The following BICC1 variants were observed in gnomAD, a reference collection of about 807,000 sequenced individuals.
BICC1 encodes the protein BicC family RNA binding protein 1, also known as protein bicaudal C homolog 1.
A neutral mutation model predicts 111.0 loss-of-function variants in BICC1; 43 were observed. The observed-to-expected ratio is 0.39, with a 90% CI of 0.30 to 0.50. The LOEUF is 0.50. Among genes scored for constraint, BICC1 ranks in the 20% least tolerant of loss-of-function variants. The pLI is 0.88. For synonymous variants in BICC1, 467 were observed against 434.4 expected, an observed-to-expected ratio of 1.07 and a Z score of -0.93; for missense variants, 1,091 against 1,203.2, an observed-to-expected ratio of 0.91 and a Z score of 1.38.
Position 58,781,996 on chromosome 10 carries a change from G to A in BICC1, c.308-3005G>A, listed in dbSNP as rs547796433. ...ACTGATTCAGACCCTGGAGGTAAAC[G>A]TGTTACATGTTGGTGACTGTCTCTG... On this transcript the variant is annotated intron_variant, in intron 3 of 20. Transcript: ENST00000373886. Among the ~76,000 whole-genome samples, 18 of 152,242 alleles carry A rather than the reference G, an allele frequency of 1.2e-4. No individual in the cohort carries two copies. The South Asian group carries it at 3.3e-3, about 28-fold the overall frequency.
rs774168206 is a variant in BICC1 at position 58,604,223 on chromosome 10, A to G, written c.191-16632A>G. Among the ~76,000 whole-genome samples, 7 of 152,172 alleles carry G rather than the reference A, an allele frequency of 4.6e-5. No homozygotes were observed. In the East Asian group the frequency reaches 1.3e-3, roughly 29 times the overall value. The stretch of plus-strand genomic sequence containing the variant: ...CAGTCCCACTGGGGAGAGGTGGGGC[A>G]GTAGAACTCCTGAGACTTGCTACTG... On this transcript the variant is annotated intron_variant, in intron 1 of 20. Transcript: ENST00000373886.
In BICC1 at chr10:58,782,417, A is replaced by G. The variant is rs539983140; in HGVS notation, c.308-2584A>G. 1.1e-3 allele frequency among the ~76,000 whole-genome samples: 166 copies of G among 152,324 alleles called. 1 individual carries two copies. The highest frequency in any genetic ancestry group is 3.8e-3 in the African/African-American group (156 of 41,578). On this transcript the variant is annotated intron_variant, in intron 3 of 20. Transcript: ENST00000373886. ...CAATACATAAATGACTACAATTGAA[A>G]TATCTATGTGGTTCAATCTGCTGTT... is the stretch of plus-strand genomic sequence containing the variant.
rs145050069 is a variant in BICC1, at chr10:58,721,916, A to G, written c.307+19773A>G. On this transcript the variant is annotated intron_variant, in intron 3 of 20. Coordinates refer to ENST00000373886, the MANE Select transcript of BICC1 (RefSeq NM_001080512.3). ...CATATGATTGTTTCTGTCAGCTTGT[A>G]CTCTCCTGAAAGTCATGGTTAATGA... Among the ~76,000 whole-genome samples, 20 of 152,218 alleles carry G rather than the reference A, an allele frequency of 1.3e-4. No individual in the cohort carries two copies. The East Asian group carries it at 3.5e-3, about 26-fold the overall frequency.
chr10:58,768,825 C>G (rs1308961927), intron 3 of BICC1, among the ~76,000 whole-genome samples: 2 of 152,066 alleles, frequency 1.3e-5, no homozygotes, highest in African/African-American at 4.8e-5. Context: ...AAGAATCAAA[C>G]CATACCACTA....
intron 3 of BICC1, among the ~76,000 whole-genome samples, chr10:58,712,285 GT>G (rs1840600319): frequency 6.6e-6 from 1 of 152,158 alleles, no homozygotes; most frequent in African/African-American, 2.4e-5. Flanking sequence ...TTGGAAGATG[GT>G]TTTGCAGTTT....
chr10:58,676,656 A>T lies in BICC1; in HGVS notation c.238-25418A>T, dbSNP rs1839351504. ...TAAATGTTCCTGCCTGCTGGCTCTG[A>T]AGAGAGCAGCGGATCTCCCAGCACA... is the stretch of plus-strand genomic sequence containing the variant. On this transcript the variant is annotated intron_variant, in intron 2 of 20. Coordinates refer to ENST00000373886, the MANE Select transcript of BICC1 (RefSeq NM_001080512.3). Among the ~76,000 whole-genome samples, 4 of 152,292 alleles carry T rather than the reference A, an allele frequency of 2.6e-5. No homozygotes were observed. In the South Asian group the frequency reaches 8.3e-4, roughly 32 times the overall value.
intron 3 of BICC1, among the ~76,000 whole-genome samples, chr10:58,742,315 C>T (rs199581281): frequency 2.6e-5 from 4 of 151,588 alleles, no homozygotes; most frequent in Non-Finnish European, 4.4e-5. Context: ...CTAGCTCTTA[C>T]GGCATATTTT....
intron 3 of BICC1, among the ~76,000 whole-genome samples, chr10:58,722,636 G>C (rs991433792): frequency 6.6e-6 from 1 of 152,110 alleles, no homozygotes; most frequent in African/African-American, 2.4e-5. Context: ...AGTTATCTCT[G>C]AGAGAGCACT....
intron 3 of BICC1, among the ~76,000 whole-genome samples, chr10:58,776,297 C>T (rs369401960): frequency 5.5e-4 from 84 of 152,248 alleles, no homozygotes; most frequent in African/African-American, 1.9e-3. Context: ...AGATTTTTCA[C>T]GAAGAGTCCC....
intron 1 of BICC1, among the ~76,000 whole-genome samples, chr10:58,553,675 A>G (rs1266364780): frequency 3.9e-5 from 6 of 152,144 alleles, no homozygotes; most frequent in Non-Finnish European, 7.3e-5. Context: ...AGTCTTCTGA[A>G]ATGTTTATAA....
At chr10:58,534,485 TAC>T (rs1489775701) in intron 1 of BICC1, among the ~76,000 whole-genome samples, 3 of 151,736 alleles carry the variant, frequency 2.0e-5, no homozygotes, top group Non-Finnish European at 4.4e-5. Context: ...AAGAAACTTA[TAC>T]AGAGTCTTCA....
rs1844133411 is a variant in BICC1, at chr10:58,817,594, G to A, written c.2566G>A (p.Asp856Asn). Residue 856 changes from aspartate (D) to asparagine (N), a missense_variant, in exon 19 of 21, where the codon GAC becomes AAC. By Grantham distance (23) the Asp-to-Asn change is conservative (BLOSUM62 1). Around this residue, in one of 3 missense-constraint regions of BICC1, gnomAD observed 231 missense variants for 256.2 expected, o/e 0.90. Transcript: ENST00000373886. ...CTATCTCAGCAGTAGCAATTACATG[G>A]ACTGCATTTCCTCGCTGACAGGAAG... is the stretch of plus-strand genomic sequence containing the variant. ...EHYLSSSNYM[D>N]CISSLTGSNG... 6.2e-7 allele frequency: 1 copy of A among 1,613,398 alleles called. No individual in the cohort carries two copies.
chr10:58,687,275 C>T (rs571182837), intron 2 of BICC1, among the ~76,000 whole-genome samples: 4 of 152,254 alleles, frequency 2.6e-5, no homozygotes, highest in South Asian at 4.1e-4. Context: ...ACATGTGAGT[C>T]GGCCTCCACT....
chr10:58,633,526 A>G (rs759375938), intron 2 of BICC1, among the ~76,000 whole-genome samples: 2 of 152,236 alleles, frequency 1.3e-5, no homozygotes, highest in Non-Finnish European at 2.9e-5. Context: ...GCTTTGAAAC[A>G]TGAGTTTTCA....
chr10:58,765,157 A>G (rs1213227661), intron 3 of BICC1, among the ~76,000 whole-genome samples: 3 of 152,064 alleles, frequency 2.0e-5, no homozygotes. Context: ...ATCTCTGCTC[A>G]CTGCAACCTC....
chr10:58,582,019 T>C (rs1010558481), intron 1 of BICC1, among the ~76,000 whole-genome samples: 1 of 151,164 alleles, frequency 6.6e-6, no homozygotes, highest in Non-Finnish European at 1.5e-5. Flanking sequence ...TGTTTTGTTT[T>C]TAAAGCAAAA....
chr10:58,630,794 A>G (rs1032816049), intron 2 of BICC1, among the ~76,000 whole-genome samples: 1 of 152,184 alleles, frequency 6.6e-6, no homozygotes, highest in African/African-American at 2.4e-5. Context: ...AGAGTAGTTT[A>G]GCTCCTCAGT....
At chr10:58,802,684 T>C (rs1054548564) in intron 14 of BICC1, among the ~76,000 whole-genome samples, 1 of 152,238 alleles carries the variant, frequency 6.6e-6, no homozygotes, top group Non-Finnish European at 1.5e-5. Flanking sequence ...GATGAATCAT[T>C]GATATCTCCT....
intron 18 of BICC1, among the ~76,000 whole-genome samples, chr10:58,814,789 C>T (rs761429977): frequency 1.3e-5 from 2 of 151,210 alleles, no homozygotes; most frequent in East Asian, 3.9e-4. Context: ...GAGCGAGACC[C>T]TGTCTCAAAA....
Sources: gnomAD v4.1 joint callset for allele counts (sites outside exome capture counted in the v4.1 genomes callset) on GRCh38, gnomAD v4.1.1 for gene constraint, gnomAD v4.1.1 regional missense constraint, MANE v1.5 for transcripts, NCBI Gene and HGNC (gene_info 2026-07-23, HGNC 2026-07-21) for gene names.